The following XRCC1 variants were observed in gnomAD, a reference collection of about 807,000 sequenced individuals.
XRCC1 encodes DNA repair protein XRCC1.
In XRCC1, 52 loss-of-function variants were observed where a neutral mutation model predicts 83.3. That is an observed-to-expected ratio of 0.62 (90% CI 0.50 to 0.79). The LOEUF (loss-of-function observed/expected upper bound fraction) is 0.79. XRCC1 is among the 30% of genes least tolerant of loss of function. The probability of loss-of-function intolerance (pLI) is 0.00; values close to 1 mark genes in which losing one functional copy is unlikely to be tolerated. For synonymous variants in XRCC1, 281 were observed against 312.6 expected, an observed-to-expected ratio of 0.90 and a Z score of 1.07; for missense variants, 793 against 823.5, an observed-to-expected ratio of 0.96 and a Z score of 0.45.
intron 10 of XRCC1, among the ~76,000 whole-genome samples, chr19:43,547,829 C>T (rs912492620): frequency 1.3e-5 from 2 of 152,130 alleles, no homozygotes; most frequent in Non-Finnish European, 2.9e-5. Context: ...AGAAATGTCT[C>T]AATTCAGAAA....
In XRCC1 at chr19:43,551,568, T is replaced by A. The variant is rs1208286009; in HGVS notation, c.1199+3A>T. The A allele has an allele frequency of 6.2e-7, 1 of 1,613,406 alleles. No individual in the cohort carries two copies. Among genetic ancestry groups the A allele is most frequent in the Non-Finnish European group, 8.5e-7 (1 of 1,179,400 alleles). The stretch of plus-strand genomic sequence containing the variant: ...GGAGCAGGGTTGGCGTGTGAGGCCT[T>A]ACCTCTGGGAGGGCAGCCGCCGACG... On this transcript the variant is annotated splice_donor_region_variant and intron_variant, in intron 10 of 16. Coordinates refer to ENST00000262887, the MANE Select transcript of XRCC1 (RefSeq NM_006297.3).
In XRCC1 at chr19:43,543,362, G is replaced by T; in HGVS notation, c.*30C>A. 3 of 1,390,138 alleles carry T rather than the reference G, an allele frequency of 2.2e-6. No individual in the cohort carries two copies. Among genetic ancestry groups the T allele is most frequent in the Non-Finnish European group, 3.0e-6 (3 of 985,590 alleles). 86.1% of individuals were successfully genotyped at this position (1,390,138 alleles called of 1,614,324 possible). A position where few individuals can be genotyped will look rare whatever the true frequency, so the allele number is the denominator to read the frequency against. ...GCATCGTGTGTGTGTGTGTGTGTGTGTGTGTGTGTGTGTGTGTATAGCACA... is the reference window on the plus strand; with the variant it reads ...GCATCGTGTGTGTGTGTGTGTGTGTTTGTGTGTGTGTGTGTGTATAGCACA... On this transcript the variant is annotated 3_prime_UTR_variant, in exon 17 of 17. Transcript: ENST00000262887.
In XRCC1 at chr19:43,575,494, A is replaced by C. The variant is rs1426122280; in HGVS notation, c.-36T>G. ...TGGGCTTCGCCTGGCCAGAAGGATG[A>C]GGTAGAGTATGGGGTCCGAGGGGCA... On this transcript the variant is annotated 5_prime_UTR_variant, in exon 1 of 17. Coordinates refer to ENST00000262887, the MANE Select transcript of XRCC1 (RefSeq NM_006297.3). 4 of 1,593,162 alleles carry C rather than the reference A, an allele frequency of 2.5e-6. No individual in the cohort carries two copies. The highest frequency in any genetic ancestry group is 3.4e-6 in the Non-Finnish European group (4 of 1,164,354).
Position 43,543,673 on chromosome 19 carries a change from T to A in XRCC1, c.1727A>T (p.Tyr576Phe). The A allele has an allele frequency of 6.2e-7, 1 of 1,613,908 alleles. No individual in the cohort carries two copies. The highest frequency in any genetic ancestry group is 8.5e-7 in the Non-Finnish European group (1 of 1,180,004). ...VTAFNGELED[Y>F]MSDRVQFVIT... Reference sequence around the variant, plus strand: ...CACAAACTGAACCCGGTCACTCATATAGTCCTCGAGCTCCCTGGCGGGAGA... The same window carrying A: ...CACAAACTGAACCCGGTCACTCATAAAGTCCTCGAGCTCCCTGGCGGGAGA... Residue 576 changes from tyrosine to phenylalanine, a missense_variant, in exon 16 of 17, where the codon TAT (tyrosine) becomes TTT (phenylalanine). Transcript: ENST00000262887.
chr19:43,551,547 C>G (rs768931031), intron 10 of XRCC1, 24 bp downstream of exon 10: 17 of 1,587,860 alleles, frequency 1.1e-5, no homozygotes, highest in Non-Finnish European at 1.3e-5. Flanking sequence ...GGATAAGGAG[C>G]AGGGTTGGCG....
At position 43,575,516 on chromosome 19, in the gene XRCC1, G is replaced by A; in HGVS notation, c.-58C>T. 5 of 1,572,842 alleles carry A rather than the reference G, an allele frequency of 3.2e-6. No homozygotes were observed. The highest frequency in any genetic ancestry group is 2.3e-5 in the East Asian group (1 of 43,662). On this transcript the variant is annotated 5_prime_UTR_variant, in exon 1 of 17. Transcript: ENST00000262887. ...ATGAGGTAGAGTATGGGGTCCGAGGGGCAGGGAGAGTGGGAGGGGGCGGGG... is the reference window on the plus strand; with the variant it reads ...ATGAGGTAGAGTATGGGGTCCGAGGAGCAGGGAGAGTGGGAGGGGGCGGGG...
intron 14 of XRCC1, 87 bp from the exon 15 acceptor site, chr19:43,544,321 TGAG>T: frequency 8.4e-7 from 1 of 1,189,018 alleles, no homozygotes; most frequent in Non-Finnish European, 1.2e-6. Flanking sequence ...ACCCAGCAGC[TGAG>T]GAGAGGGCTG....
Position 43,553,427 on chromosome 19 carries a change from A to T in XRCC1, c.575T>A (p.Phe192Tyr), listed in dbSNP as rs1972602677. ...TGGGGATGTCTTGTTGATCCGGCTG[A>T]AGAAGAGAGCCCCCGGCCTCAGAGA... ...ANSLRPGALF[F>Y]SRINKTSPVT... Residue 192 changes from phenylalanine to tyrosine, a missense_variant, in exon 6 of 17, where the codon TTC becomes TAC. Coordinates refer to ENST00000262887, the MANE Select transcript of XRCC1 (RefSeq NM_006297.3). 1 of 1,614,024 alleles carries T rather than the reference A, an allele frequency of 6.2e-7. No individual in the cohort carries two copies. Among genetic ancestry groups the T allele is most frequent in the Non-Finnish European group, 8.5e-7 (1 of 1,180,030 alleles).
At chr19:43,553,292 A>T in intron 6 of XRCC1, 109 bp downstream of exon 6, 1 of 1,303,468 alleles carries the variant, frequency 7.7e-7, no homozygotes, top group Admixed American at 2.0e-5. Context: ...GGACTCCACT[A>T]CCCTCCTCCC....
At chr19:43,564,717 G>A (rs1034788646) in intron 2 of XRCC1, among the ~76,000 whole-genome samples, 21 of 151,230 alleles carry the variant, frequency 1.4e-4, no homozygotes, top group African/African-American at 4.9e-4. Flanking sequence ...AAACCGGGGG[G>A]GCGGAGGTTG....
intron 10 of XRCC1, 78 bp downstream of exon 10, chr19:43,551,492 GC>G (rs1972573714): frequency 7.9e-7 from 1 of 1,268,506 alleles, no homozygotes; most frequent in African/African-American, 1.5e-5. Flanking sequence ...CCGCTGGCAG[GC>G]CCCAGTCTGA....
chr19:43,561,111 G>A (rs1478961818), intron 2 of XRCC1, 91 bp from the exon 3 acceptor site: 2 of 1,028,902 alleles, frequency 1.9e-6, no homozygotes, highest in Non-Finnish European at 3.1e-6. Context: ...GGATCACCAT[G>A]TCCCTGTAAT....
chr19:43,543,723 C>G (rs375135894), intron 15 of XRCC1, 36 bp from the exon 16 acceptor site: 55 of 1,600,928 alleles, frequency 3.4e-5, no homozygotes, highest in Non-Finnish European at 4.4e-5. Context: ...GAAGGCACAT[C>G]AGGGAATCAG....
intron 10 of XRCC1, among the ~76,000 whole-genome samples, chr19:43,548,920 G>A (rs939933473): frequency 6.6e-6 from 1 of 152,152 alleles, no homozygotes; most frequent in Admixed American, 6.6e-5. Flanking sequence ...CTAAGGCACA[G>A]AGAGATTATT....
At chr19:43,568,164 C>T (rs558536819) in intron 2 of XRCC1, among the ~76,000 whole-genome samples, 5 of 151,886 alleles carry the variant, frequency 3.3e-5, no homozygotes, top group South Asian at 2.1e-4. Context: ...TGAGCCACCG[C>T]GCCCGGCCAT....
intron 4 of XRCC1, 50 bp downstream of exon 4, chr19:43,554,596 C>T (rs777334479): frequency 2.6e-6 from 4 of 1,553,582 alleles, no homozygotes; most frequent in Non-Finnish European, 3.5e-6. Flanking sequence ...CCTTATTTCC[C>T]TCCTTGCCCA....
chr19:43,547,022 G>A (rs749737216), intron 10 of XRCC1, 45 bp from the exon 11 acceptor site: 2 of 1,589,986 alleles, frequency 1.3e-6, no homozygotes, highest in Non-Finnish European at 1.7e-6. Flanking sequence ...CAAGGGAAGT[G>A]GGGAGGGCGT....
intron 10 of XRCC1, among the ~76,000 whole-genome samples, chr19:43,550,996 CT>C (rs936586702): frequency 4.6e-5 from 7 of 151,186 alleles, no homozygotes; most frequent in African/African-American, 1.7e-4. Flanking sequence ...TTTTTTTTTT[CT>C]TGTTGAGATG....
At chr19:43,564,248 C>G (rs771722328) in intron 2 of XRCC1, among the ~76,000 whole-genome samples, 1 of 152,146 alleles carries the variant, frequency 6.6e-6, no homozygotes, top group Non-Finnish European at 1.5e-5. Context: ...TACAGACAGA[C>G]GCAGAACAGG....
Sources: gnomAD v4.1 joint callset for allele counts (sites outside exome capture counted in the v4.1 genomes callset) on GRCh38, gnomAD v4.1.1 for gene constraint, MANE v1.5 for transcripts, NCBI Gene and HGNC (gene_info 2026-07-23, HGNC 2026-07-21) for gene names.